Variants in NMBR observed in about 807,000 individuals in gnomAD.
NMBR encodes the protein neuromedin-B receptor.
Under a neutral mutation model 20.5 loss-of-function variants are expected in NMBR, and 16 were observed. That is an observed-to-expected ratio of 0.78 (90% CI 0.53 to 1.19). The LOEUF (loss-of-function observed/expected upper bound fraction) is 1.19. Ranked by LOEUF, NMBR falls within the 50% of genes most tolerant of loss-of-function variation. The probability of loss-of-function intolerance (pLI) is 0.00; values close to 1 mark genes in which losing one functional copy is unlikely to be tolerated. For synonymous variants in NMBR, 212 were observed against 196.6 expected, an observed-to-expected ratio of 1.08 and a Z score of -0.65; for missense variants, 582 against 499.1, an observed-to-expected ratio of 1.17 and a Z score of -1.58.
chr6:142,134,553 T>C (rs961426949), intron 1 of NMBR: 4 of 571,000 alleles, frequency 7.0e-6, no homozygotes, highest in Non-Finnish European at 1.2e-5. Flanking sequence ...TACAACTAGT[T>C]ATTGTCCTGG....
At chr6:142,086,726 C>T (rs1777207513) in intron 2 of NMBR, among the ~76,000 whole-genome samples, 1 of 152,216 alleles carries the variant, frequency 6.6e-6, no homozygotes, top group Middle Eastern at 3.4e-3. Context: ...ATTATTTTCT[C>T]TGATCTAGGC....
chr6:142,124,671 A>G (rs993902418), intron 1 of NMBR, among the ~76,000 whole-genome samples: 1 of 151,914 alleles, frequency 6.6e-6, no homozygotes, highest in Admixed American at 6.6e-5. Flanking sequence ...AGAAATTGTT[A>G]TATGTGTTAT....
chr6:142,102,224 T>TA (rs1316843252), intron 1 of NMBR, among the ~76,000 whole-genome samples: 8 of 151,598 alleles, frequency 5.3e-5, no homozygotes, highest in Non-Finnish European at 1.2e-4. Flanking sequence ...CCGTCTCTAC[T>TA]AAAAAAATAC....
At chr6:142,123,266 T>TG (rs1191082871) in intron 1 of NMBR, among the ~76,000 whole-genome samples, 1 of 151,834 alleles carries the variant, frequency 6.6e-6, no homozygotes, top group Non-Finnish European at 1.5e-5. Flanking sequence ...GAATTAGAAG[T>TG]GGGGGGCCTG....
intron 1 of NMBR, among the ~76,000 whole-genome samples, chr6:142,146,751 C>G (rs1265223634): frequency 6.6e-6 from 1 of 152,122 alleles, no homozygotes; most frequent in African/African-American, 2.4e-5. Context: ...AGTATGTCAA[C>G]ATAGAAAAAT....
At chr6:142,134,917 C>A (rs1313011534) in intron 1 of NMBR, 2 of 554,964 alleles carry the variant, frequency 3.6e-6, no homozygotes, top group Non-Finnish European at 6.3e-6. Context: ...TCCATTCAGA[C>A]AATGACCAAA....
At chr6:142,142,149 A>C (rs1242754508) in intron 1 of NMBR, among the ~76,000 whole-genome samples, 1 of 152,212 alleles carries the variant, frequency 6.6e-6, no homozygotes, top group Non-Finnish European at 1.5e-5. Flanking sequence ...TGAAAGACAT[A>C]AACAAAAAAT....
chr6:142,121,888 T>A (rs1391592688), intron 1 of NMBR, among the ~76,000 whole-genome samples: 1 of 151,910 alleles, frequency 6.6e-6, no homozygotes, highest in East Asian at 1.9e-4. Flanking sequence ...TTCTAGAGAT[T>A]ACCTCAAGGT....
intron 2 of NMBR, among the ~76,000 whole-genome samples, chr6:142,080,273 C>G (rs943846258): frequency 7.4e-5 from 11 of 148,050 alleles, no homozygotes; most frequent in Non-Finnish European, 1.6e-4. Context: ...TTATAGTGTC[C>G]TATTCCTATG....
intron 1 of NMBR, among the ~76,000 whole-genome samples, chr6:142,095,221 G>A (rs1290071444): frequency 1.3e-5 from 2 of 152,052 alleles, no homozygotes; most frequent in Admixed American, 1.3e-4. Context: ...GGGCATCCCT[G>A]TCTTGTGCCA....
chr6:142,099,809 C>T (rs545611243), intron 1 of NMBR, among the ~76,000 whole-genome samples: 3 of 152,148 alleles, frequency 2.0e-5, no homozygotes, highest in Non-Finnish European at 4.4e-5. Flanking sequence ...ACAAGTATCA[C>T]GTAGAACTCT....
chr6:142,115,557 T>C (rs1222586156), intron 1 of NMBR, among the ~76,000 whole-genome samples: 1 of 152,034 alleles, frequency 6.6e-6, no homozygotes, highest in African/African-American at 2.4e-5. Flanking sequence ...GTGCTGGGTG[T>C]AGATATTTTT....
chr6:142,125,510 T>TGTGCATGCATATAA (rs1330890414), intron 1 of NMBR, among the ~76,000 whole-genome samples: 1 of 150,876 alleles, frequency 6.6e-6, no homozygotes, highest in Non-Finnish European at 1.5e-5. Context: ...CACATATACA[T>TGTGCATGCATATAA]ACATACACAA....
chr6:142,108,782 ACCAATCACGCCTTT>A lies in NMBR; in HGVS notation c.-663-19475_-663-19462del, dbSNP rs143080628. Among the ~76,000 whole-genome samples the A allele has an allele frequency of 7.2e-4, 110 of 152,196 alleles. 1 individual carries two copies. The highest frequency in any genetic ancestry group is 2.6e-3 in the African/African-American group (109 of 41,534). ...AAATATCATGTCCGCACATTTCAAA[ACCAATCACGCCTTT>A]CCAATAGTCCCCCAAATTCTTAGCT... On this transcript the variant is annotated intron_variant, in intron 1 of 3. Coordinates refer to ENST00000258042, the MANE Select transcript of NMBR (RefSeq NM_002511.4).
chr6:142,108,762 TC>T (rs1777705949), intron 1 of NMBR, among the ~76,000 whole-genome samples: 1 of 152,004 alleles, frequency 6.6e-6, no homozygotes, highest in Non-Finnish European at 1.5e-5. Context: ...CTTCCAAATA[TC>T]ATGTCCGCAC....
intron 1 of NMBR, among the ~76,000 whole-genome samples, chr6:142,141,438 T>C (rs141509043): frequency 4.0e-4 from 61 of 152,178 alleles, no homozygotes; most frequent in African/African-American, 1.4e-3. Flanking sequence ...TTAGAAGTTC[T>C]AAATATTATG....
chr6:142,074,788 G>A lies in NMBR; in HGVS notation c.*860C>T, dbSNP rs1188799658. 2.0e-5 allele frequency among the ~76,000 whole-genome samples: 3 copies of A among 152,052 alleles called. No homozygotes were observed. The highest frequency in any genetic ancestry group is 7.2e-5 in the African/African-American group (3 of 41,422). On this transcript the variant is annotated 3_prime_UTR_variant, in exon 4 of 4. Coordinates refer to ENST00000258042, the MANE Select transcript of NMBR (RefSeq NM_002511.4). ...TATACTAAGATGGCCATGCAAACTT[G>A]TGAGTTGTAGCTTTGCAATTTGGGA...
intron 1 of NMBR, among the ~76,000 whole-genome samples, chr6:142,139,560 C>T (rs942324197): frequency 6.6e-6 from 1 of 152,228 alleles, no homozygotes; most frequent in Admixed American, 6.5e-5. Context: ...ACTTCCTCGG[C>T]CTCCCTGAGC....
At chr6:142,124,668 GT>G (rs1778001127) in intron 1 of NMBR, among the ~76,000 whole-genome samples, 1 of 151,756 alleles carries the variant, frequency 6.6e-6, no homozygotes, top group South Asian at 2.1e-4. Flanking sequence ...AAAAGAAATT[GT>G]TATATGTGTT....
Sources: allele counts gnomAD v4.1 joint callset (sites outside exome capture counted in the v4.1 genomes callset), GRCh38; gene constraint gnomAD v4.1.1; transcripts MANE v1.5; gene names NCBI Gene and HGNC (gene_info 2026-07-23, HGNC 2026-07-21).